COL24A1: variants seen among roughly 807,000 people sequenced by gnomAD.
COL24A1 encodes collagen alpha-1(XXIV) chain.
COL24A1 carries 224 observed loss-of-function variants against 253.9 expected under a neutral mutation model. The ratio of observed to expected loss-of-function variants is 0.88; its 90% CI spans 0.79 to 0.99. The LOEUF (loss-of-function observed/expected upper bound fraction) is 0.99. Ranked by LOEUF, COL24A1 falls within the 50% of genes least tolerant of loss-of-function variation. The probability of loss-of-function intolerance (pLI) is 0.00; values close to 1 mark genes in which losing one functional copy is unlikely to be tolerated. For synonymous variants in COL24A1, 685 were observed against 673.7 expected (o/e 1.02, Z -0.26); for missense variants, 2,131 against 2,068.5 (o/e 1.03, Z -0.59).
At chr1:86,149,675 A>G (rs1463641004) in intron 1 of COL24A1, among the ~76,000 whole-genome samples, 1 of 152,188 alleles carries the variant, frequency 6.6e-6, no homozygotes, top group Admixed American at 6.5e-5. Flanking sequence ...TCATTTAGCA[A>G]TTCAACAAAC....
intron 14 of COL24A1, among the ~76,000 whole-genome samples, chr1:86,028,384 G>C (rs1698244792): frequency 1.3e-5 from 2 of 152,178 alleles, no homozygotes; most frequent in African/African-American, 4.8e-5. Context: ...GGACCAGGTG[G>C]ACATAATTGG....
In COL24A1 at chr1:86,142,350, T is replaced by C. The variant is rs185487323; in HGVS notation, c.121+3769A>G. 3.5e-3 allele frequency among the ~76,000 whole-genome samples: 533 copies of C among 151,738 alleles called. 5 individuals carry two copies. Among genetic ancestry groups the C allele is most frequent in the East Asian group, 0.025 (130 of 5,112 alleles). ...CATCCTGGCTAACACGGTGAAACCC[T>C]GTCTCTACTAAAAATACAAAAAATT... On this transcript the variant is annotated intron_variant, in intron 2 of 59. Transcript: ENST00000370571.
Position 85,847,746 on chromosome 1 carries a change from T to C in COL24A1, c.3381A>G (p.Thr1127=). ...KKGDKGQIGP[T]GEVGSRGPPG... ...GAGGACCTCTGCTTCCAACTTCTCC[T>C]GTGGGTCCTATTTGTCCTTTATCAC... The change falls in exon 39 of 60, where the codon ACA becomes ACG. Residue 1127 remains threonine, a synonymous_variant. Transcript: ENST00000370571. 2 of 1,613,872 alleles carry C rather than the reference T, an allele frequency of 1.2e-6. No homozygotes were observed. The highest frequency in any genetic ancestry group is 1.7e-6 in the Non-Finnish European group (2 of 1,179,832).
chr1:86,111,835 G>A (rs1053938310), intron 5 of COL24A1, among the ~76,000 whole-genome samples: 5 of 151,890 alleles, frequency 3.3e-5, no homozygotes, highest in South Asian at 4.2e-4. Context: ...CAGATGCGCC[G>A]CCTTAAGAGC....
chr1:86,102,942 T>G (rs1051162922), intron 5 of COL24A1, among the ~76,000 whole-genome samples: 50 of 152,346 alleles, frequency 3.3e-4, no homozygotes, highest in African/African-American at 1.0e-3. Context: ...TTGTTAATTT[T>G]CTGCCTCAAT....
chr1:85,854,700 C>A (rs1429986011), intron 37 of COL24A1, among the ~76,000 whole-genome samples: 1 of 148,786 alleles, frequency 6.7e-6, no homozygotes, highest in African/African-American at 2.5e-5. Context: ...TTACTGTATT[C>A]CTAGGTTTTT....
At chr1:86,022,439 C>A in intron 17 of COL24A1, 99 bp downstream of exon 17, 1 of 1,315,416 alleles carries the variant, frequency 7.6e-7, no homozygotes, top group Non-Finnish European at 1.1e-6. Flanking sequence ...CATATTGATA[C>A]CACATTCTAA....
intron 47 of COL24A1, among the ~76,000 whole-genome samples, chr1:85,812,953 C>A (rs1038640120): frequency 1.3e-5 from 2 of 152,080 alleles, no homozygotes; most frequent in African/African-American, 2.4e-5. Context: ...TAAGTTGGAG[C>A]TATAATAGCT....
At chr1:86,134,264 C>T (rs1361056327) in intron 2 of COL24A1, among the ~76,000 whole-genome samples, 4 of 149,406 alleles carry the variant, frequency 2.7e-5, no homozygotes, top group African/African-American at 7.3e-5. Flanking sequence ...GTCTTGCTGG[C>T]GGTTTATCAA....
At chr1:85,794,899 G>A (rs895083912) in intron 47 of COL24A1, among the ~76,000 whole-genome samples, 1 of 152,210 alleles carries the variant, frequency 6.6e-6, no homozygotes, top group South Asian at 2.1e-4. Context: ...TCAGATAGGA[G>A]CCAGTCTCCC....
intron 35 of COL24A1, among the ~76,000 whole-genome samples, chr1:85,874,190 C>T (rs1680873969): frequency 6.6e-6 from 1 of 152,156 alleles, no homozygotes; most frequent in Non-Finnish European, 1.5e-5. Flanking sequence ...CGTCTCAAAG[C>T]TATCTAATTG....
intron 24 of COL24A1, among the ~76,000 whole-genome samples, chr1:85,935,463 T>C (rs1057072369): frequency 4.1e-5 from 6 of 147,644 alleles, no homozygotes; most frequent in Admixed American, 1.4e-4. Context: ...TGTTTCCAAA[T>C]AGCTAACCTT....
intron 47 of COL24A1, among the ~76,000 whole-genome samples, chr1:85,792,434 C>A (rs1382043644): frequency 6.6e-6 from 1 of 150,652 alleles, no homozygotes; most frequent in Non-Finnish European, 1.5e-5. Flanking sequence ...TCCCTGTAAC[C>A]CCAGCACTTT....
At chr1:85,815,666 A>G (rs1220177504) in intron 47 of COL24A1, among the ~76,000 whole-genome samples, 1 of 152,064 alleles carries the variant, frequency 6.6e-6, no homozygotes, top group Middle Eastern at 3.2e-3. Flanking sequence ...ATTTAAGTTT[A>G]GGTATAGCAC....
chr1:86,075,205 G>A (rs1487919164), intron 7 of COL24A1, among the ~76,000 whole-genome samples: 2 of 152,080 alleles, frequency 1.3e-5, no homozygotes, highest in Non-Finnish European at 2.9e-5. Flanking sequence ...AATGGTAAAT[G>A]GGATATCATC....
intron 43 of COL24A1, among the ~76,000 whole-genome samples, chr1:85,824,544 T>C (rs1674009671): frequency 1.3e-5 from 2 of 152,162 alleles, no homozygotes; most frequent in South Asian, 4.1e-4. Context: ...GTAGATTTAC[T>C]GGGCTGAAGA....
chr1:86,119,585 G>T (rs898984477), intron 3 of COL24A1, among the ~76,000 whole-genome samples: 2 of 152,230 alleles, frequency 1.3e-5, no homozygotes, highest in African/African-American at 4.8e-5. Flanking sequence ...AACAAATTGT[G>T]CATGAACATG....
intron 24 of COL24A1, among the ~76,000 whole-genome samples, chr1:85,933,299 T>G (rs1378571636): frequency 6.6e-6 from 1 of 152,086 alleles, no homozygotes; most frequent in African/African-American, 2.4e-5. Flanking sequence ...CAATAGAAAA[T>G]GTACCCTTCT....
At chr1:85,948,027 G>T (rs1228238521) in intron 24 of COL24A1, among the ~76,000 whole-genome samples, 1 of 151,904 alleles carries the variant, frequency 6.6e-6, no homozygotes, top group South Asian at 2.1e-4. Flanking sequence ...ATCACTTTCT[G>T]TACTGTTAAG....
Sources: allele counts gnomAD v4.1 joint callset (sites outside exome capture counted in the v4.1 genomes callset), GRCh38; gene constraint gnomAD v4.1.1; transcripts MANE v1.5; gene names NCBI Gene and HGNC (gene_info 2026-07-23, HGNC 2026-07-21).